FYB2: variants seen among roughly 807,000 people sequenced by gnomAD.
FYB2 encodes the protein FYN binding protein 2.
A neutral mutation model predicts 94.1 loss-of-function variants in FYB2; 103 were observed. The ratio of observed to expected loss-of-function variants is 1.09; its 90% CI spans 0.93 to 1.29. The LOEUF is 1.29. FYB2 is among the 50% of genes most tolerant of loss of function. The probability of loss-of-function intolerance (pLI) is 0.00; values close to 1 mark genes in which losing one functional copy is unlikely to be tolerated. For synonymous variants in FYB2, 293 were observed against 287.9 expected (o/e 1.02, Z -0.18); for missense variants, 896 against 841.5 (o/e 1.06, Z -0.80).
At position 56,737,079 on chromosome 1, in the gene FYB2, T is replaced by C. The variant is rs768956251; in HGVS notation, c.1793+8A>G. 17 of 1,586,838 alleles carry C rather than the reference T, an allele frequency of 1.1e-5. No homozygotes were observed. Among genetic ancestry groups the C allele is most frequent in the South Asian group, 3.3e-5 (3 of 89,558 alleles). On this transcript the variant is annotated splice_region_variant and intron_variant, in intron 15 of 19. Coordinates refer to ENST00000343433, the MANE Select transcript of FYB2 (RefSeq NM_001004303.5). ...CAGCAGGGATGACCAATAAGGTAAATTACTTACTTTGACTCTTTTTCACTC... is the reference window on the plus strand; with the variant it reads ...CAGCAGGGATGACCAATAAGGTAAACTACTTACTTTGACTCTTTTTCACTC...
At chr1:56,789,523 T>C (rs543846013) in intron 2 of FYB2, among the ~76,000 whole-genome samples, 1 of 152,354 alleles carries the variant, frequency 6.6e-6, no homozygotes, top group Non-Finnish European at 1.5e-5. Flanking sequence ...ATTTTGTTCA[T>C]GTTTTTCTTG....
In FYB2 at chr1:56,819,310, G is replaced by A. The variant is rs957795371; in HGVS notation, c.-20C>T. 10 of 1,614,038 alleles carry A rather than the reference G, an allele frequency of 6.2e-6. No individual in the cohort carries two copies. The highest frequency in any genetic ancestry group is 7.6e-6 in the Non-Finnish European group (9 of 1,180,040). On this transcript the variant is annotated 5_prime_UTR_variant, in exon 1 of 20. Coordinates refer to ENST00000343433, the MANE Select transcript of FYB2 (RefSeq NM_001004303.5). ...TTCCATTGCTTTCCTCCAAGGCAGA[G>A]TCAGGGAAACAAGCCCAGCCTCTCA... is the stretch of plus-strand genomic sequence containing the variant.
At chr1:56,800,814 C>T (rs778306454) in intron 1 of FYB2, among the ~76,000 whole-genome samples, 3 of 152,150 alleles carry the variant, frequency 2.0e-5, no homozygotes, top group African/African-American at 4.8e-5. Flanking sequence ...ACAGCAAAGG[C>T]AGCCCAGAGT....
intron 9 of FYB2, among the ~76,000 whole-genome samples, chr1:56,745,856 C>T (rs1645055906): frequency 6.6e-6 from 1 of 151,968 alleles, no homozygotes; most frequent in African/African-American, 2.4e-5. Flanking sequence ...TCCTCGGTTA[C>T]TCTGTTCTAG....
chr1:56,776,780 TACAG>T (rs755544052), intron 4 of FYB2, among the ~76,000 whole-genome samples: 1 of 152,178 alleles, frequency 6.6e-6, no homozygotes, highest in Non-Finnish European at 1.5e-5. Flanking sequence ...TCGACCTTGA[TACAG>T]ACAAACACTG....
intron 9 of FYB2, among the ~76,000 whole-genome samples, chr1:56,746,150 C>T (rs1176090395): frequency 6.6e-6 from 1 of 151,852 alleles, no homozygotes; most frequent in African/African-American, 2.4e-5. Flanking sequence ...CTCCTCTGAT[C>T]CGAAAGTAAC....
chr1:56,795,687 G>A (rs796892055), intron 1 of FYB2, among the ~76,000 whole-genome samples: 2 of 151,520 alleles, frequency 1.3e-5, no homozygotes, highest in South Asian at 4.2e-4. Context: ...TTTGTCAGTG[G>A]TTAATATTTT....
At chr1:56,798,581 G>C (rs1379585196) in intron 1 of FYB2, among the ~76,000 whole-genome samples, 1 of 151,810 alleles carries the variant, frequency 6.6e-6, no homozygotes, top group Non-Finnish European at 1.5e-5. Flanking sequence ...TTCATCACTA[G>C]GAAAAAAGAC....
intron 1 of FYB2, among the ~76,000 whole-genome samples, chr1:56,809,723 TC>T (rs1435955638): frequency 2.0e-5 from 3 of 152,182 alleles, no homozygotes; most frequent in Non-Finnish European, 4.4e-5. Flanking sequence ...TTACATTTTT[TC>T]CCCTTCCTCC....
chr1:56,798,843 A>T lies in FYB2; in HGVS notation c.10-6040T>A, dbSNP rs192429607. Among the ~76,000 whole-genome samples, 13 of 152,232 alleles carry T rather than the reference A, an allele frequency of 8.5e-5. 1 individual carries two copies. Among genetic ancestry groups the T allele is most frequent in the Admixed American group, 4.6e-4 (7 of 15,288 alleles). ...AAGGAAGGGTCAAAGCTAGCAATCA[A>T]ACTCATACAACCTGGCTTTGAGTCC... On this transcript the variant is annotated intron_variant, in intron 1 of 19. Coordinates refer to ENST00000343433, the MANE Select transcript of FYB2 (RefSeq NM_001004303.5).
intron 1 of FYB2, among the ~76,000 whole-genome samples, chr1:56,794,703 C>T (rs1179227542): frequency 6.6e-6 from 1 of 152,104 alleles, no homozygotes; most frequent in Non-Finnish European, 1.5e-5. Context: ...CACACGCACA[C>T]ACATAGCCAG....
At chr1:56,767,765 T>C in intron 5 of FYB2, 64 bp downstream of exon 5, 1 of 1,242,678 alleles carries the variant, frequency 8.0e-7, no homozygotes, top group African/African-American at 1.5e-5. Context: ...AAAGGGAAAA[T>C]ATCATTTTTG....
At chr1:56,762,909 A>C (rs1424208660) in intron 5 of FYB2, among the ~76,000 whole-genome samples, 1 of 152,212 alleles carries the variant, frequency 6.6e-6, no homozygotes, top group Non-Finnish European at 1.5e-5. Flanking sequence ...TGAGGAAGAC[A>C]ATAGAGTCCC....
At chr1:56,786,843 A>G (rs1272067995) in intron 4 of FYB2, among the ~76,000 whole-genome samples, 1 of 152,190 alleles carries the variant, frequency 6.6e-6, no homozygotes, top group African/African-American at 2.4e-5. Context: ...ACCAATTCCT[A>G]ACATCACACC....
intron 3 of FYB2, chr1:56,788,765 G>A: frequency 1.6e-6 from 1 of 615,456 alleles, no homozygotes; most frequent in Non-Finnish European, 2.8e-6. Flanking sequence ...GCTCTCAGGG[G>A]AAGTGGGCTG....
Position 56,792,635 on chromosome 1 carries a change from T to C in FYB2, c.178A>G (p.Lys60Glu). 6.2e-7 allele frequency: 1 copy of C among 1,614,068 alleles called. No individual in the cohort carries two copies. Among genetic ancestry groups the C allele is most frequent in the African/African-American group, 1.3e-5 (1 of 75,004 alleles). The change falls in exon 2 of 20, where the codon AAG becomes GAG. Residue 60 changes from lysine to glutamate, a missense_variant. Transcript: ENST00000343433. ...ANGKPLSSNH[K>E]QRTPYCSSSE... ...CTGGAACAGTATGGTGTGCGCTGCT[T>C]GTGGTTGGATGAGAGGGGTTTCCCA...
chr1:56,815,590 G>C (rs554812226), intron 1 of FYB2, among the ~76,000 whole-genome samples: 1 of 152,128 alleles, frequency 6.6e-6, no homozygotes, highest in East Asian at 1.9e-4. Context: ...ACTGTAAATG[G>C]GGCACACTGG....
At chr1:56,766,266 G>A (rs950003301) in intron 5 of FYB2, among the ~76,000 whole-genome samples, 6 of 152,042 alleles carry the variant, frequency 3.9e-5, no homozygotes, top group Non-Finnish European at 8.8e-5. Context: ...CTAAAGAAGG[G>A]GTCCATATAC....
At chr1:56,771,276 C>T (rs527313757) in intron 4 of FYB2, among the ~76,000 whole-genome samples, 10 of 152,018 alleles carry the variant, frequency 6.6e-5, no homozygotes, top group Admixed American at 4.6e-4. Context: ...TGAGGAAATA[C>T]AATACAGCAA....
Sources: gnomAD v4.1 joint callset for allele counts (sites outside exome capture counted in the v4.1 genomes callset) on GRCh38, gnomAD v4.1.1 for gene constraint, MANE v1.5 for transcripts, NCBI Gene and HGNC (gene_info 2026-07-23, HGNC 2026-07-21) for gene names.